The following CELF2 variants were observed in gnomAD, a reference collection of about 807,000 sequenced individuals.
CELF2 encodes CUG triplet repeat RNA-binding protein 2.
A neutral mutation model predicts 62.6 loss-of-function variants in CELF2; 8 were observed. That is an observed-to-expected ratio of 0.13 (90% CI 0.07 to 0.23). The LOEUF (loss-of-function observed/expected upper bound fraction) is 0.23. Among genes scored for constraint, CELF2 ranks in the 10% least tolerant of loss-of-function variants. The pLI is 1.00. For missense variants in CELF2, 333 were observed against 671.0 expected (o/e 0.50, Z 5.56); for synonymous variants, 258 against 250.0 (o/e 1.03, Z -0.30).
In CELF2 at chr10:11,008,935, C is replaced by T. The variant is rs2055838358; in HGVS notation, c.53+3495C>T. 7.3e-6 allele frequency among the ~76,000 whole-genome samples: 1 copy of T among 136,550 alleles called. No individual in the cohort carries two copies. Among genetic ancestry groups the T allele is most frequent in the Non-Finnish European group, 1.5e-5 (1 of 65,916 alleles). 89.6% of individuals were successfully genotyped at this position (136,550 alleles called of 152,430 possible). ...ACAAGTCCATTCAGTGGCAATAATG[C>T]CTTCTTGGGTCACCTTTATTAGCCT... On this transcript the variant is annotated intron_variant, in intron 1 of 12. Coordinates refer to the CELF2 transcript ENST00000416382. The surrounding 1 kb of genome is among the most constrained non-coding windows in gnomAD (Gnocchi z 4.5).
the CELF2 span, among the ~76,000 whole-genome samples, chr10:10,652,121 A>G: frequency 1.8e-5 from 2 of 113,440 alleles, no homozygotes; most frequent in South Asian, 4.3e-4. Context: ...AAAGGGTATC[A>G]GCGATGGAAG....
intron 2 of CELF2, among the ~76,000 whole-genome samples, chr10:10,937,194 T>A (rs1037205150): frequency 6.7e-6 from 1 of 149,324 alleles, no homozygotes; most frequent in East Asian, 2.0e-4. Context: ...TGGTGCAATC[T>A]TGTCTCACCG....
chr10:10,941,882 C>T (rs1676572090), intron 2 of CELF2, among the ~76,000 whole-genome samples: 1 of 151,206 alleles, frequency 6.6e-6, no homozygotes. Flanking sequence ...TAATCCCAGC[C>T]ACTGGGGAGG....
At chr10:10,837,126 A>C (rs552887287) in intron 1 of CELF2, among the ~76,000 whole-genome samples, 194 of 152,322 alleles carry the variant, frequency 1.3e-3, no homozygotes, top group African/African-American at 4.6e-3. Flanking sequence ...GTCCCCACCC[A>C]AATCTCATTT....
intron 1 of CELF2, among the ~76,000 whole-genome samples, chr10:10,915,203 A>G (rs187067842): frequency 1.3e-5 from 2 of 152,288 alleles, no homozygotes; most frequent in Admixed American, 1.3e-4. Flanking sequence ...GGTAATGATA[A>G]CTAAGGAAAG....
At chr10:11,325,374 A>T (rs948451751) in intron 11 of CELF2, among the ~76,000 whole-genome samples, 1 of 152,260 alleles carries the variant, frequency 6.6e-6, no homozygotes, top group Non-Finnish European at 1.5e-5. Context: ...ATGATAGAGA[A>T]ATCGGAGCAG....
At chr10:10,768,654 A>G in the CELF2 span, among the ~76,000 whole-genome samples, 1 of 150,802 alleles carries the variant, frequency 6.6e-6, no homozygotes, top group African/African-American at 2.4e-5. Context: ...GCTCACTGCA[A>G]CTTCTGCCTG....
rs1164300368 is a variant in CELF2, at chr10:11,117,988, C to G, written c.75-47498C>G. ...ATGGCTGTGTGGAAATGTTCATTCTCTGCTTCTATGTTTTTAAAAAACAAA... is the reference window on the plus strand; with the variant it reads ...ATGGCTGTGTGGAAATGTTCATTCTGTGCTTCTATGTTTTTAAAAAACAAA... On this transcript the variant is annotated intron_variant, in intron 1 of 12. Transcript: ENST00000633077. This position sits in a 1 kb window ranked among gnomAD's most constrained non-coding sequence, Gnocchi z 4.1. Among the ~76,000 whole-genome samples the G allele has an allele frequency of 2.0e-5, 3 of 152,122 alleles. No individual in the cohort carries two copies. In the East Asian group the frequency reaches 5.8e-4, roughly 29 times the overall value.
At chr10:10,707,094 G>A in the CELF2 span, among the ~76,000 whole-genome samples, 1 of 152,130 alleles carries the variant, frequency 6.6e-6, no homozygotes, top group Non-Finnish European at 1.5e-5. Context: ...GGCATTTGGG[G>A]GTTACTGGTT....
chr10:10,597,157 C>T, the CELF2 span, among the ~76,000 whole-genome samples: 1 of 152,180 alleles, frequency 6.6e-6, no homozygotes, highest in Non-Finnish European at 1.5e-5. Context: ...GTGTGTTCAT[C>T]AGGGATAGAA....
At chr10:10,481,141 T>C in the CELF2 span, among the ~76,000 whole-genome samples, 7 of 152,200 alleles carry the variant, frequency 4.6e-5, no homozygotes, top group African/African-American at 2.4e-5. Flanking sequence ...CGCTCCTTCT[T>C]ATTTAGTCTA....
intron 1 of CELF2, among the ~76,000 whole-genome samples, chr10:10,827,339 T>C (rs2057478366): frequency 6.6e-6 from 1 of 152,228 alleles, no homozygotes; most frequent in African/African-American, 2.4e-5. Context: ...TTAAGAATTA[T>C]TTCACTGCTA....
intron 2 of CELF2, among the ~76,000 whole-genome samples, chr10:10,992,375 A>C (rs1468175824): frequency 6.6e-6 from 1 of 152,192 alleles, no homozygotes; most frequent in African/African-American, 2.4e-5. Flanking sequence ...AGAAAAACCC[A>C]AACACACAAG....
intron 2 of CELF2, among the ~76,000 whole-genome samples, chr10:11,195,294 C>G (rs1296874872): frequency 2.0e-5 from 3 of 152,214 alleles, no homozygotes; most frequent in African/African-American, 7.2e-5. Flanking sequence ...CCAAGGAGAA[C>G]AGAAACACAG....
Position 11,039,465 on chromosome 10 carries a change from G to A in CELF2, c.74+21302G>A, listed in dbSNP as rs951842470. 6.6e-6 allele frequency among the ~76,000 whole-genome samples: 1 copy of A among 152,200 alleles called. No individual in the cohort carries two copies. Among genetic ancestry groups the A allele is most frequent in the African/African-American group, 2.4e-5 (1 of 41,446 alleles). Reference sequence around the variant, plus strand: ...TACCATTAGGGTGGTGAGCTATGTAGTCACGGTCACAGTGTGTACTCAAAG... The same window carrying A: ...TACCATTAGGGTGGTGAGCTATGTAATCACGGTCACAGTGTGTACTCAAAG... On this transcript the variant is annotated intron_variant, in intron 1 of 12. Transcript: ENST00000633077. This position sits in a 1 kb window ranked among gnomAD's most constrained non-coding sequence, Gnocchi z 4.1.
At chr10:10,988,072 T>C (rs1471739128) in intron 2 of CELF2, among the ~76,000 whole-genome samples, 3 of 152,028 alleles carry the variant, frequency 2.0e-5, no homozygotes, top group Non-Finnish European at 4.4e-5. Context: ...GAACTAAAAG[T>C]GGATCTACCA....
chr10:10,962,860 G>T (rs1424373557), intron 2 of CELF2, among the ~76,000 whole-genome samples: 1 of 152,222 alleles, frequency 6.6e-6, no homozygotes, highest in African/African-American at 2.4e-5. Context: ...CTCAGCTGAT[G>T]CTGAAGTCAA....
intron 3 of CELF2, among the ~76,000 whole-genome samples, chr10:11,239,726 T>G (rs1027095987): frequency 6.6e-6 from 1 of 152,212 alleles, no homozygotes; most frequent in Non-Finnish European, 1.5e-5. Flanking sequence ...TTAAACTGGC[T>G]TAGATCACTT....
rs572879781 is a variant in CELF2, at chr10:11,104,918, T to C, written c.75-60568T>C. 1.6e-4 allele frequency among the ~76,000 whole-genome samples: 25 copies of C among 152,328 alleles called. No homozygotes were observed. The South Asian group carries it at 5.0e-3, about 30-fold the overall frequency. On this transcript the variant is annotated intron_variant, in intron 1 of 12. Coordinates refer to ENST00000633077, the MANE Select transcript of CELF2 (RefSeq NM_001326342.2). ...GCAGGCAGAGGTGACCTCTTGAGTG[T>C]GAAAACTGAGCTGCAGGGGCAGCTG...
Sources: allele counts gnomAD v4.1 joint callset (sites outside exome capture counted in the v4.1 genomes callset), GRCh38; gene constraint gnomAD v4.1.1; non-coding constraint Gnocchi (gnomAD v3.1); transcripts MANE v1.5; gene names NCBI Gene and HGNC (gene_info 2026-07-23, HGNC 2026-07-21).